The following RALGAPA2 variants were observed in gnomAD, a reference collection of about 807,000 sequenced individuals.
RALGAPA2 encodes the protein Ral GTPase activating protein catalytic subunit alpha 2.
In RALGAPA2, 139 loss-of-function variants were observed where a neutral mutation model predicts 230.4. The observed-to-expected ratio is 0.60, with a 90% confidence interval of 0.53 to 0.69. The LOEUF is 0.69. Ranked by LOEUF, RALGAPA2 falls within the 30% of genes least tolerant of loss-of-function variation. RALGAPA2 has a pLI of 0.00. For missense variants in RALGAPA2, 2,163 were observed against 2,276.0 expected (o/e 0.95, Z 1.01); for synonymous variants, 847 against 837.8 (o/e 1.01, Z -0.19).
Position 20,511,326 on chromosome 20 carries a change from C to T in RALGAPA2, c.4857-1G>A, listed in dbSNP as rs2062698722. ...TTTCTTCAATAGATGAAAATTCTTCCTATAAAGAAAAAAGGATGGAAGAAA... is the reference window on the plus strand; with the variant it reads ...TTTCTTCAATAGATGAAAATTCTTCTTATAAAGAAAAAAGGATGGAAGAAA... On this transcript the variant is annotated splice_acceptor_variant, in intron 32 of 39. Transcript: ENST00000202677. LOFTEE classifies it high-confidence loss of function. 1.3e-6 allele frequency: 2 copies of T among 1,544,712 alleles called. No homozygotes were observed. Among genetic ancestry groups the T allele is most frequent in the Non-Finnish European group, 1.7e-6 (2 of 1,146,416 alleles).
At chr20:20,589,144 G>T in intron 18 of RALGAPA2, 124 bp downstream of exon 18, 1 of 1,270,466 alleles carries the variant, frequency 7.9e-7, no homozygotes. Flanking sequence ...CATCATTTGG[G>T]CCTATAAACT....
rs537405933 is a variant in RALGAPA2, at chr20:20,623,298, C to A, written c.1234-2668G>T. Among the ~76,000 whole-genome samples the A allele has an allele frequency of 2.0e-5, 3 of 152,204 alleles. No homozygotes were observed. The South Asian group carries it at 6.2e-4, about 32-fold the overall frequency. On this transcript the variant is annotated intron_variant, in intron 10 of 39. Coordinates refer to ENST00000202677, the MANE Select transcript of RALGAPA2 (RefSeq NM_020343.4). ...GTTAGCGAAAGATGTACCATACAAACACTAGCCAAAAGAAAACTGGTAGAG... is the reference window on the plus strand; with the variant it reads ...GTTAGCGAAAGATGTACCATACAAAAACTAGCCAAAAGAAAACTGGTAGAG...
At chr20:20,624,689 A>T (rs2066437415) in intron 10 of RALGAPA2, among the ~76,000 whole-genome samples, 1 of 152,220 alleles carries the variant, frequency 6.6e-6, no homozygotes, top group Non-Finnish European at 1.5e-5. Context: ...TAAAATTACC[A>T]TGTGTAGTTC....
chr20:20,416,879 C>T (rs1011324243), intron 37 of RALGAPA2, among the ~76,000 whole-genome samples: 19 of 152,172 alleles, frequency 1.2e-4, no homozygotes, highest in East Asian at 1.9e-4. Flanking sequence ...GTGGACATGA[C>T]GCTCAGACTG....
At chr20:20,607,250 C>T (rs773873662) in intron 14 of RALGAPA2, among the ~76,000 whole-genome samples, 2 of 152,132 alleles carry the variant, frequency 1.3e-5, no homozygotes, top group Non-Finnish European at 2.9e-5. Context: ...ATCAGACAGG[C>T]CTATTCTGAC....
At position 20,524,552 on chromosome 20, in the gene RALGAPA2, A is replaced by G; in HGVS notation, c.3763-9T>C. The G allele has an allele frequency of 6.2e-7, 1 of 1,613,938 alleles. No individual in the cohort carries two copies. The highest frequency in any genetic ancestry group is 8.5e-7 in the Non-Finnish European group (1 of 1,179,854). ...AGCAAGGACACAATAAACTGGAAGA[A>G]GAACATGCCCGGTAGCTTATGCTGC... On this transcript the variant is annotated splice_polypyrimidine_tract_variant and intron_variant, in intron 29 of 39. Transcript: ENST00000202677.
intron 20 of RALGAPA2, among the ~76,000 whole-genome samples, chr20:20,578,302 G>A (rs2064883181): frequency 1.3e-5 from 2 of 152,086 alleles, no homozygotes; most frequent in Admixed American, 1.3e-4. Flanking sequence ...AATTAAAAAT[G>A]GGAATTTAAG....
At chr20:20,708,108 A>G (rs1419416965) in intron 1 of RALGAPA2, among the ~76,000 whole-genome samples, 3 of 152,240 alleles carry the variant, frequency 2.0e-5, no homozygotes, top group Non-Finnish European at 4.4e-5. Context: ...AAAAAGATGT[A>G]AAAAATACTG....
intron 37 of RALGAPA2, among the ~76,000 whole-genome samples, chr20:20,423,398 G>A (rs2060318175): frequency 6.6e-6 from 1 of 152,188 alleles, no homozygotes; most frequent in Non-Finnish European, 1.5e-5. Context: ...CAGAGGGTGG[G>A]CAGAAGTGAA....
chr20:20,572,754 T>C, intron 21 of RALGAPA2, 121 bp downstream of exon 21: 1 of 835,512 alleles, frequency 1.2e-6, no homozygotes, highest in Non-Finnish European at 1.7e-6. Flanking sequence ...AAATGGACTT[T>C]GTCTAAATGT....
intron 6 of RALGAPA2, among the ~76,000 whole-genome samples, chr20:20,640,254 A>G (rs1183428927): frequency 3.9e-5 from 6 of 152,250 alleles, no homozygotes; most frequent in African/African-American, 1.2e-4. Flanking sequence ...TAATAGTCCC[A>G]TGAGGCCACT....
intron 25 of RALGAPA2, 98 bp from the exon 26 acceptor site, chr20:20,535,901 C>A: frequency 2.1e-6 from 3 of 1,441,330 alleles, no homozygotes; most frequent in East Asian, 2.6e-5. Flanking sequence ...TACTGAAGTT[C>A]GACCAGGGAG....
At chr20:20,555,724 T>C (rs2064064763) in intron 23 of RALGAPA2, among the ~76,000 whole-genome samples, 1 of 152,234 alleles carries the variant, frequency 6.6e-6, no homozygotes, top group Non-Finnish European at 1.5e-5. Flanking sequence ...TGTATAAAAA[T>C]ACAGTTGATT....
chr20:20,607,504 T>C (rs16982024), intron 14 of RALGAPA2, among the ~76,000 whole-genome samples: 1,671 of 152,226 alleles, frequency 0.011, 27 homozygotes, highest in African/African-American at 0.038. Flanking sequence ...TTATTATGAC[T>C]AAAATGCCAT....
At chr20:20,412,891 T>C (rs2060090115) in intron 37 of RALGAPA2, among the ~76,000 whole-genome samples, 1 of 152,266 alleles carries the variant, frequency 6.6e-6, no homozygotes, top group South Asian at 2.1e-4. Context: ...CCCCTGCGTG[T>C]GGCAGGCTTT....
At chr20:20,419,375 G>A (rs987987477) in intron 37 of RALGAPA2, among the ~76,000 whole-genome samples, 4 of 152,154 alleles carry the variant, frequency 2.6e-5, no homozygotes, top group South Asian at 4.2e-4. Context: ...CAAGTCGAAG[G>A]TTGATATAAA....
At chr20:20,621,653 T>C (rs1036840862) in intron 10 of RALGAPA2, among the ~76,000 whole-genome samples, 5 of 152,238 alleles carry the variant, frequency 3.3e-5, no homozygotes, top group Admixed American at 2.0e-4. Flanking sequence ...ATAAGAACTT[T>C]TTAACATTAA....
At chr20:20,511,991 C>G (rs1025462681) in intron 32 of RALGAPA2, among the ~76,000 whole-genome samples, 1 of 152,064 alleles carries the variant, frequency 6.6e-6, no homozygotes, top group African/African-American at 2.4e-5. Flanking sequence ...TAGTTTGAGA[C>G]CAGCCTGGCG....
intron 36 of RALGAPA2, among the ~76,000 whole-genome samples, chr20:20,476,104 A>C (rs1043719578): frequency 6.6e-6 from 1 of 152,188 alleles, no homozygotes; most frequent in African/African-American, 2.4e-5. Flanking sequence ...AAGATGTACA[A>C]TGTTCATGGA....
Sources: gnomAD v4.1 joint callset for allele counts (sites outside exome capture counted in the v4.1 genomes callset) on GRCh38, gnomAD v4.1.1 for gene constraint, MANE v1.5 for transcripts, NCBI Gene and HGNC (gene_info 2026-07-23, HGNC 2026-07-21) for gene names.